The following FRMPD2 variants were observed in gnomAD, a reference collection of about 807,000 sequenced individuals.
The protein encoded by FRMPD2 is FERM and PDZ domain containing 2.
FRMPD2 carries 96 observed loss-of-function variants against 140.1 expected under a neutral mutation model. The observed-to-expected ratio is 0.69, with a 90% confidence interval of 0.58 to 0.81. The LOEUF (loss-of-function observed/expected upper bound fraction) is 0.81. FRMPD2 is among the 40% of genes least tolerant of loss of function. The pLI is 0.00. For synonymous variants in FRMPD2, 449 were observed against 547.6 expected, an observed-to-expected ratio of 0.82 and a Z score of 2.52; for missense variants, 1,240 against 1,447.4, an observed-to-expected ratio of 0.86 and a Z score of 2.32.
chr10:48,243,297 G>A (rs1034617383), intron 4 of FRMPD2, among the ~76,000 whole-genome samples: 3 of 152,244 alleles, frequency 2.0e-5, no homozygotes, highest in Non-Finnish European at 4.4e-5. Flanking sequence ...TGTAGAGGAA[G>A]GGGCTTAGCC....
chr10:48,157,875 G>A (rs2132379248), intron 28 of FRMPD2, among the ~76,000 whole-genome samples: 1 of 144,502 alleles, frequency 6.9e-6, no homozygotes, highest in South Asian at 2.2e-4. Context: ...CAAAGAATGG[G>A]AAATCTAGCC....
intron 2 of FRMPD2, among the ~76,000 whole-genome samples, chr10:48,249,867 A>G (rs2131964991): frequency 7.0e-6 from 1 of 142,410 alleles, no homozygotes; most frequent in East Asian, 1.9e-4. Context: ...ACACTATAGG[A>G]GGCCTTATTA....
intron 21 of FRMPD2, among the ~76,000 whole-genome samples, chr10:48,179,804 C>T (rs1309205423): frequency 6.6e-6 from 1 of 152,160 alleles, no homozygotes; most frequent in Non-Finnish European, 1.5e-5. Context: ...GTGCAATAAC[C>T]TGCCTGTTTC....
At chr10:48,189,175 C>G (rs1838769323) in intron 16 of FRMPD2, among the ~76,000 whole-genome samples, 1 of 152,166 alleles carries the variant, frequency 6.6e-6, no homozygotes, top group African/African-American at 2.4e-5. Context: ...GCCTCAGAGC[C>G]AAGGATATAC....
intron 1 of FRMPD2, among the ~76,000 whole-genome samples, chr10:48,266,650 C>A (rs1166363046): frequency 6.6e-6 from 1 of 152,228 alleles, no homozygotes; most frequent in East Asian, 1.9e-4. Flanking sequence ...TTACACTCAT[C>A]CAGCTACAAT....
rs770099092 is a variant in FRMPD2, at chr10:48,223,183, A to T, written c.1256T>A (p.Met419Lys). 2.5e-6 allele frequency: 4 copies of T among 1,614,052 alleles called. No individual in the cohort carries two copies. The highest frequency in any genetic ancestry group is 3.4e-6 in the Non-Finnish European group (4 of 1,179,924). The change falls in exon 11 of 29, where the codon ATG becomes AAG. Residue 419 changes from methionine (M) to lysine (K), a missense_variant. Coordinates refer to ENST00000374201, the MANE Select transcript of FRMPD2 (RefSeq NM_001018071.4). ...GWREQPQKTS[M>K]NTFTLFLRIK... is the part of the protein sequence containing the mutation. The stretch of plus-strand genomic sequence containing the variant: ...CCTCAGGAAGAGTGTGAAGGTATTC[A>T]TGGAGGTCTTCTGAGGCTGCTCTCT...
intron 12 of FRMPD2, among the ~76,000 whole-genome samples, chr10:48,212,959 A>G (rs1387445570): frequency 1.3e-5 from 2 of 152,226 alleles, no homozygotes; most frequent in African/African-American, 4.8e-5. Flanking sequence ...TTCCCAGATC[A>G]ACATGTCCTG....
intron 17 of FRMPD2, 30 bp downstream of exon 17, chr10:48,187,162 C>T (rs767562950): frequency 1.9e-5 from 29 of 1,546,234 alleles, no homozygotes; most frequent in Non-Finnish European, 2.4e-5. Context: ...GGTTCCTCCA[C>T]CCAAGACCTG....
chr10:48,220,494 A>G (rs1207560158), intron 12 of FRMPD2, among the ~76,000 whole-genome samples: 1 of 152,248 alleles, frequency 6.6e-6, no homozygotes, highest in Non-Finnish European at 1.5e-5. Context: ...TTGAGAAGAT[A>G]ACACCAGAAA....
intron 12 of FRMPD2, among the ~76,000 whole-genome samples, chr10:48,219,631 A>G (rs918203965): frequency 1.3e-5 from 2 of 152,200 alleles, no homozygotes; most frequent in African/African-American, 4.8e-5. Context: ...TAACAGCTCA[A>G]GTGGTTGGTT....
intron 3 of FRMPD2, among the ~76,000 whole-genome samples, chr10:48,245,680 A>G (rs1840231260): frequency 6.6e-6 from 1 of 152,194 alleles, no homozygotes; most frequent in African/African-American, 2.4e-5. Flanking sequence ...CCTCACTGCA[A>G]TCCTGTGACG....
intron 20 of FRMPD2, among the ~76,000 whole-genome samples, chr10:48,183,152 A>G (rs1838592273): frequency 1.3e-5 from 2 of 152,180 alleles, no homozygotes; most frequent in South Asian, 4.1e-4. Context: ...GGCAAGGCAA[A>G]TGCAGTGCCT....
chr10:48,190,205 A>G (rs1011786375), intron 16 of FRMPD2, among the ~76,000 whole-genome samples: 1 of 152,148 alleles, frequency 6.6e-6, no homozygotes, highest in African/African-American at 2.4e-5. Context: ...GGGCAGTTCC[A>G]TGAGAGCTCA....
intron 1 of FRMPD2, among the ~76,000 whole-genome samples, chr10:48,260,675 T>G (rs1840572643): frequency 6.6e-6 from 1 of 152,170 alleles, no homozygotes; most frequent in African/African-American, 2.4e-5. Flanking sequence ...TCATAAATGC[T>G]CTCACTAAAG....
intron 28 of FRMPD2, chr10:48,159,266 C>A (rs1554790554): frequency 6.6e-6 from 3 of 454,954 alleles, no homozygotes; most frequent in African/African-American, 4.0e-5. Context: ...ACAAGTTCAA[C>A]GGACTGCCAG....
At chr10:48,201,449 G>A in intron 14 of FRMPD2, 65 bp from the exon 15 acceptor site, 15 of 1,478,756 alleles carry the variant, frequency 1.0e-5, no homozygotes, top group Non-Finnish European at 1.4e-5. Flanking sequence ...ACGCACAACT[G>A]CAAGAAAATG....
chr10:48,246,499 T>C (rs1332679956), intron 3 of FRMPD2, among the ~76,000 whole-genome samples: 1 of 152,202 alleles, frequency 6.6e-6, no homozygotes, highest in Non-Finnish European at 1.5e-5. Flanking sequence ...AAGAACACCA[T>C]GTTTGATTGG....
chr10:48,159,364 G>A, intron 28 of FRMPD2: 1 of 413,346 alleles, frequency 2.4e-6, no homozygotes, highest in South Asian at 1.8e-5. Flanking sequence ...GGGTATCTGG[G>A]GATACCCAAG....
chr10:48,231,997 A>G, intron 10 of FRMPD2, 118 bp downstream of exon 10: 1 of 868,946 alleles, frequency 1.2e-6, no homozygotes, highest in East Asian at 2.5e-5. Flanking sequence ...GTCTAGGCAT[A>G]CAAAGGGAGG....
Sources: allele counts gnomAD v4.1 joint callset (sites outside exome capture counted in the v4.1 genomes callset), GRCh38; gene constraint gnomAD v4.1.1; transcripts MANE v1.5; gene names NCBI Gene and HGNC (gene_info 2026-07-23, HGNC 2026-07-21).